ZCWPW2: variants seen among roughly 807,000 people sequenced by gnomAD.
ZCWPW2 encodes the protein zinc finger CW-type and PWWP domain containing 2.
A neutral mutation model predicts 46.6 loss-of-function variants in ZCWPW2; 45 were observed. The observed-to-expected ratio is 0.96, with a 90% CI of 0.76 to 1.24. The LOEUF is 1.24. Among genes scored for constraint, ZCWPW2 ranks in the 50% most tolerant of loss-of-function variants. The pLI, the probability that ZCWPW2 is intolerant of heterozygous loss-of-function variation, is 0.00. For missense variants in ZCWPW2, 429 were observed against 403.9 expected (o/e 1.06, Z -0.53); for synonymous variants, 152 against 137.1 (o/e 1.11, Z -0.76).
At chr3:28,358,911 AATTT>A (rs1704838408) in intron 1 of ZCWPW2, among the ~76,000 whole-genome samples, 1 of 152,074 alleles carries the variant, frequency 6.6e-6, no homozygotes, top group East Asian at 1.9e-4. Flanking sequence ...CTAACAATTT[AATTT>A]ATTTATTGTC....
At chr3:28,453,797 A>ATATTTATTTATT (rs202155639) in intron 4 of ZCWPW2, among the ~76,000 whole-genome samples, 1 of 148,174 alleles carries the variant, frequency 6.7e-6, no homozygotes, top group South Asian at 2.1e-4. Flanking sequence ...ATAATTGTGT[A>ATATTTATTTATT]TATTTATTTA....
At chr3:28,400,739 C>T (rs919929999) in intron 2 of ZCWPW2, among the ~76,000 whole-genome samples, 2 of 152,168 alleles carry the variant, frequency 1.3e-5, no homozygotes, top group Non-Finnish European at 2.9e-5. Context: ...CAAACAAATG[C>T]TAAGATAATT....
chr3:28,453,362 T>C (rs1410337466), intron 4 of ZCWPW2, among the ~76,000 whole-genome samples: 4 of 152,202 alleles, frequency 2.6e-5, no homozygotes, highest in African/African-American at 4.8e-5. Flanking sequence ...GTACTGAAGT[T>C]AAAAGTCCAA....
intron 1 of ZCWPW2, among the ~76,000 whole-genome samples, chr3:28,355,772 G>A (rs1299535193): frequency 6.6e-6 from 1 of 152,236 alleles, no homozygotes; most frequent in Non-Finnish European, 1.5e-5. Flanking sequence ...TTTAATAAAT[G>A]GTGCTGGGAA....
At chr3:28,436,397 A>G (rs1575132692) in intron 4 of ZCWPW2, among the ~76,000 whole-genome samples, 1 of 127,564 alleles carries the variant, frequency 7.8e-6, no homozygotes, top group Admixed American at 1.0e-4. Context: ...TCAGCCTCCC[A>G]AGTAGTTAAG....
At chr3:28,457,745 C>T (rs1211275170) in intron 4 of ZCWPW2, among the ~76,000 whole-genome samples, 1 of 151,948 alleles carries the variant, frequency 6.6e-6, no homozygotes, top group African/African-American at 2.4e-5. Context: ...GAGTTTACAA[C>T]TTTTTTTTGC....
At chr3:28,391,975 A>T (rs1695512191) in intron 2 of ZCWPW2, among the ~76,000 whole-genome samples, 1 of 152,220 alleles carries the variant, frequency 6.6e-6, no homozygotes. Context: ...TTTGCTATTT[A>T]CCCATCAATA....
intron 1 of ZCWPW2, among the ~76,000 whole-genome samples, chr3:28,383,870 T>TA (rs1165083461): frequency 6.6e-6 from 1 of 152,160 alleles, no homozygotes; most frequent in Non-Finnish European, 1.5e-5. Context: ...ACTCAATGCT[T>TA]ACTTTTAAAA....
intron 4 of ZCWPW2, among the ~76,000 whole-genome samples, chr3:28,457,765 G>C (rs912765474): frequency 2.0e-5 from 3 of 152,042 alleles, no homozygotes; most frequent in Non-Finnish European, 4.4e-5. Context: ...CTACAGACCT[G>C]ATGAATTTCA....
In ZCWPW2 at chr3:28,358,233, A is replaced by G. The variant is rs183758085; in HGVS notation, c.-134+9030A>G. On this transcript the variant is annotated intron_variant, in intron 1 of 9. Coordinates refer to ENST00000383768, the MANE Select transcript of ZCWPW2 (RefSeq NM_001040432.4). ...ATCTTTAAAAACTGTAAATGTTATC[A>G]TTATACTTCTCTTAAATTCCTGAAA... Among the ~76,000 whole-genome samples, 402 of 152,256 alleles carry G rather than the reference A, an allele frequency of 2.6e-3. 2 individuals are homozygous for G. Among genetic ancestry groups the G allele is most frequent in the African/African-American group, 9.1e-3 (380 of 41,568 alleles).
At chr3:28,350,981 T>G (rs923510212) in intron 1 of ZCWPW2, among the ~76,000 whole-genome samples, 1 of 151,742 alleles carries the variant, frequency 6.6e-6, no homozygotes, top group African/African-American at 2.4e-5. Context: ...AGGGATTTTT[T>G]TCAGGAATTT....
chr3:28,391,365 ACACACACACACATG>A lies in ZCWPW2; in HGVS notation c.-14+761_-14+774del, dbSNP rs1318855740. On this transcript the variant is annotated intron_variant, in intron 2 of 9. Transcript: ENST00000383768. ...TCCCCTCTCCCTGCCACACACACAC[ACACACACACACATG>A]CACACACACACACACACACAAAGCC... Among the ~76,000 whole-genome samples, 23 of 93,278 alleles carry A rather than the reference ACACACACACACATG, an allele frequency of 2.5e-4. No homozygotes were observed. The South Asian group carries it at 6.1e-3, about 25-fold the overall frequency. 61.2% of individuals were successfully genotyped at this position (93,278 alleles called of 152,430 possible).
chr3:28,395,470 C>T (rs898868025), intron 2 of ZCWPW2, among the ~76,000 whole-genome samples: 2 of 152,072 alleles, frequency 1.3e-5, no homozygotes, highest in Non-Finnish European at 2.9e-5. Context: ...ATGTTAACTG[C>T]GGTGGCATTC....
chr3:28,376,004 T>C (rs188833299), intron 1 of ZCWPW2, among the ~76,000 whole-genome samples: 50 of 152,172 alleles, frequency 3.3e-4, no homozygotes, highest in African/African-American at 1.2e-3. Flanking sequence ...TAGTACTCCA[T>C]TGTGAATATG....
intron 1 of ZCWPW2, among the ~76,000 whole-genome samples, chr3:28,369,230 G>C (rs189324671): frequency 1.3e-5 from 2 of 152,248 alleles, no homozygotes; most frequent in Admixed American, 6.5e-5. Flanking sequence ...AGGAGGAGAG[G>C]CACTTGATTT....
intron 7 of ZCWPW2, 92 bp from the exon 8 acceptor site, chr3:28,515,462 T>C: frequency 1.1e-6 from 1 of 901,968 alleles, no homozygotes; most frequent in South Asian, 1.6e-5. Flanking sequence ...TATGCATTTA[T>C]AATCTACAGT....
intron 4 of ZCWPW2, among the ~76,000 whole-genome samples, chr3:28,452,196 T>G (rs1009030165): frequency 5.3e-5 from 8 of 152,176 alleles, no homozygotes; most frequent in Admixed American, 3.3e-4. Context: ...GTTCTTTGGC[T>G]TGAAGGATAG....
intron 2 of ZCWPW2, among the ~76,000 whole-genome samples, chr3:28,399,218 A>G (rs1168716958): frequency 6.6e-6 from 1 of 152,086 alleles, no homozygotes; most frequent in Non-Finnish European, 1.5e-5. Context: ...TAATCCCGCT[A>G]GGAACATAAC....
intron 3 of ZCWPW2, among the ~76,000 whole-genome samples, chr3:28,429,740 C>T (rs954284896): frequency 1.2e-4 from 19 of 152,070 alleles, no homozygotes; most frequent in African/African-American, 4.1e-4. Flanking sequence ...TTTGTGTAGT[C>T]GTGGGACTTG....
Sources: gnomAD v4.1 joint callset for allele counts (sites outside exome capture counted in the v4.1 genomes callset) on GRCh38, gnomAD v4.1.1 for gene constraint, MANE v1.5 for transcripts, NCBI Gene and HGNC (gene_info 2026-07-23, HGNC 2026-07-21) for gene names.